The following C12orf56 variants were observed in gnomAD, a reference collection of about 807,000 sequenced individuals.
The protein encoded by C12orf56 is uncharacterized protein C12orf56.
Under a neutral mutation model 69.9 loss-of-function variants are expected in C12orf56, and 71 were observed. The ratio of observed to expected loss-of-function variants is 1.02; its 90% CI spans 0.84 to 1.24. The LOEUF is 1.24. C12orf56 is among the 50% of genes most tolerant of loss of function. C12orf56 has a pLI of 0.00. For missense variants in C12orf56, 732 were observed against 738.5 expected, an observed-to-expected ratio of 0.99 and a Z score of 0.10; for synonymous variants, 276 against 274.1, an observed-to-expected ratio of 1.01 and a Z score of -0.07.
In C12orf56 at chr12:64,287,725, C is replaced by A; in HGVS notation, c.1114-1665G>T. Among the ~76,000 whole-genome samples the A allele has an allele frequency of 1.3e-4, 2 of 15,792 alleles. 1 individual carries two copies. The highest frequency in any genetic ancestry group is 0.2 in the Middle Eastern group (2 of 10). The allele number at this position is 15,792 out of a possible 152,430, so 10.4% of individuals were successfully genotyped here. A position where few individuals can be genotyped will look rare whatever the true frequency, so the allele number is the denominator to read the frequency against. On this transcript the variant is annotated intron_variant, in intron 6 of 12. Transcript: ENST00000543942. Reference sequence around the variant, plus strand: ...AGTATTCCATGGTGGATATGTGCCACATTTTCTTAATCCAGTCTGTCATTG... The same window carrying A: ...AGTATTCCATGGTGGATATGTGCCAAATTTTCTTAATCCAGTCTGTCATTG...
intron 6 of C12orf56, among the ~76,000 whole-genome samples, chr12:64,286,849 T>G (rs1413461842): frequency 1.3e-5 from 2 of 152,102 alleles, no homozygotes; most frequent in Non-Finnish European, 2.9e-5. Flanking sequence ...GAGAAGAGGC[T>G]GGGAATGCCA....
chr12:64,321,858 G>A (rs1336548391), intron 3 of C12orf56, among the ~76,000 whole-genome samples: 1 of 151,738 alleles, frequency 6.6e-6, no homozygotes, highest in African/African-American at 2.4e-5. Flanking sequence ...GTTTGGATGT[G>A]GAATTTTTTT....
intron 5 of C12orf56, among the ~76,000 whole-genome samples, chr12:64,311,461 C>T (rs1264158384): frequency 1.3e-5 from 2 of 151,026 alleles, no homozygotes; most frequent in Non-Finnish European, 2.9e-5. Flanking sequence ...GAACACAGGA[C>T]GTTATGGAGG....
At position 64,266,542 on chromosome 12, in the gene C12orf56, C is replaced by T. The variant is rs2037921422; in HGVS notation, c.*641G>A. ...GACCAAGCTGTAATTCCAGAAGTGG[C>T]GTGGATGCGCCAGGCCCTGCTGGTG... On this transcript the variant is annotated 3_prime_UTR_variant, in exon 13 of 13. Transcript: ENST00000543942. The T allele has an allele frequency of 3.5e-6, 1 of 288,056 alleles. No individual in the cohort carries two copies. The highest frequency in any genetic ancestry group is 7.2e-6 in the Non-Finnish European group (1 of 138,950). 17.8% of individuals were successfully genotyped at this position (288,056 alleles called of 1,614,324 possible).
At chr12:64,352,844 A>G (rs1033763466) in intron 2 of C12orf56, 50 bp downstream of exon 2, 1 of 1,471,280 alleles carries the variant, frequency 6.8e-7, no homozygotes, top group Non-Finnish European at 9.1e-7. Context: ...AAATATATAT[A>G]TATACTTTTT....
In C12orf56 at chr12:64,373,334, T is replaced by C. The variant is rs190079893; in HGVS notation, c.252+16980A>G. 7.9e-5 allele frequency among the ~76,000 whole-genome samples: 12 copies of C among 152,212 alleles called. 1 individual carries two copies. Among genetic ancestry groups the C allele is most frequent in the Admixed American group, 7.9e-4 (12 of 15,268 alleles). ...AGCTGGGTGTGGTGGCATGTACTTG[T>C]AGTCCTTGCACAGGCTGAGGTGGGA... is the stretch of plus-strand genomic sequence containing the variant. On this transcript the variant is annotated intron_variant, in intron 1 of 12. Coordinates refer to ENST00000543942, the MANE Select transcript of C12orf56 (RefSeq NM_001170633.2).
chr12:64,347,647 C>T (rs2039164519), intron 2 of C12orf56, among the ~76,000 whole-genome samples: 1 of 152,098 alleles, frequency 6.6e-6, no homozygotes, highest in Admixed American at 6.5e-5. Context: ...ACCTGTCTCT[C>T]TAGTTATATA....
chr12:64,325,288 T>G (rs2038823079), intron 3 of C12orf56, among the ~76,000 whole-genome samples: 1 of 151,114 alleles, frequency 6.6e-6, no homozygotes, highest in South Asian at 2.1e-4. Flanking sequence ...CCCAGCTACC[T>G]AGGAGGTCGA....
Position 64,318,774 on chromosome 12 carries a change from TCTGGAA to T in C12orf56, c.689_694del (p.Leu230_Asp232delinsHis). The T allele has an allele frequency of 1.3e-6, 2 of 1,537,242 alleles. No homozygotes were observed. The highest frequency in any genetic ancestry group is 1.7e-6 in the Non-Finnish European group (2 of 1,146,902). ...AGGAATTTCACTTATGGAGTTGTGA[TCTGGAA>T]GTCCCTGGGGTTCTTTTGTGTTTGT... On this transcript the variant is annotated inframe_deletion, in exon 4 of 13. Coordinates refer to ENST00000543942, the MANE Select transcript of C12orf56 (RefSeq NM_001170633.2).
At chr12:64,361,083 G>A (rs1463371404) in intron 1 of C12orf56, among the ~76,000 whole-genome samples, 1 of 152,136 alleles carries the variant, frequency 6.6e-6, no homozygotes, top group Non-Finnish European at 1.5e-5. Context: ...GCCGGGTGTG[G>A]TGGCGTGCAC....
intron 2 of C12orf56, among the ~76,000 whole-genome samples, chr12:64,350,840 A>G (rs1204172464): frequency 6.6e-6 from 1 of 152,234 alleles, no homozygotes; most frequent in East Asian, 1.9e-4. Flanking sequence ...CAGGCCAAAT[A>G]TAAGACTAAA....
chr12:64,351,638 C>T (rs993224712), intron 2 of C12orf56, among the ~76,000 whole-genome samples: 4 of 152,014 alleles, frequency 2.6e-5, no homozygotes, highest in African/African-American at 9.7e-5. Context: ...GTGAAAGCCG[C>T]TTTGATACCC....
At chr12:64,318,303 T>G (rs2038715588) in intron 4 of C12orf56, among the ~76,000 whole-genome samples, 1 of 152,104 alleles carries the variant, frequency 6.6e-6, no homozygotes, top group Admixed American at 6.6e-5. Flanking sequence ...CCTCAAGAGA[T>G]CCATCCACCT....
At chr12:64,276,857 G>A (rs1225070514) in intron 9 of C12orf56, among the ~76,000 whole-genome samples, 1 of 151,782 alleles carries the variant, frequency 6.6e-6, no homozygotes, top group Non-Finnish European at 1.5e-5. Flanking sequence ...AGCCAGGCGT[G>A]GTGGCTCATG....
At chr12:64,333,873 A>AAT (rs779254438) in intron 2 of C12orf56, among the ~76,000 whole-genome samples, 1 of 152,222 alleles carries the variant, frequency 6.6e-6, no homozygotes, top group Non-Finnish European at 1.5e-5. Context: ...TCCACTCAGA[A>AAT]ATAAAGTACA....
At position 64,390,650 on chromosome 12, in the gene C12orf56, C is replaced by G. The variant is rs1330352835; in HGVS notation, c.-85G>C. The stretch of plus-strand genomic sequence containing the variant: ...CCGCCCCCGCGCTGGAACCCGCGCG[C>G]CACAAAGCCGCCGGCCACGCGTCGC... On this transcript the variant is annotated 5_prime_UTR_variant, in exon 1 of 13. Transcript: ENST00000543942. The G allele has an allele frequency of 1.5e-6, 2 of 1,371,846 alleles. No individual in the cohort carries two copies. The highest frequency in any genetic ancestry group is 1.9e-6 in the Non-Finnish European group (2 of 1,070,082). 85.0% of individuals were successfully genotyped at this position (1,371,846 alleles called of 1,614,324 possible).
At chr12:64,387,615 C>T (rs1203205108) in intron 1 of C12orf56, among the ~76,000 whole-genome samples, 1 of 152,070 alleles carries the variant, frequency 6.6e-6, no homozygotes, top group Non-Finnish European at 1.5e-5. Context: ...TTAAGCCCAG[C>T]AGCCTGGGCA....
chr12:64,362,309 G>A (rs1187603461), intron 1 of C12orf56, among the ~76,000 whole-genome samples: 1 of 152,098 alleles, frequency 6.6e-6, no homozygotes, highest in Non-Finnish European at 1.5e-5. Context: ...AAGTGGTCTC[G>A]ATACAGAACC....
rs1407285256 is a variant in C12orf56, at chr12:64,275,199, AT to A, written c.1509+98del. The A allele has an allele frequency of 2.2e-5, 16 of 732,114 alleles. 1 individual carries two copies. Among genetic ancestry groups the A allele is most frequent in the Middle Eastern group, 3.9e-4 (1 of 2,550 alleles). The allele number at this position is 732,114 out of a possible 1,614,324, so 45.4% of individuals were successfully genotyped here. ...GCATTTTTGATATATTATTAATCATATAACATAATCACATAATATACATATA... is the reference window on the plus strand; with the variant it reads ...GCATTTTTGATATATTATTAATCATAAACATAATCACATAATATACATATA... On this transcript the variant is annotated intron_variant, in intron 10 of 12. Transcript: ENST00000543942.
Sources: gnomAD v4.1 joint callset for allele counts (sites outside exome capture counted in the v4.1 genomes callset) on GRCh38, gnomAD v4.1.1 for gene constraint, MANE v1.5 for transcripts, NCBI Gene and HGNC (gene_info 2026-07-23, HGNC 2026-07-21) for gene names.